ARHGAP23: variants seen among roughly 807,000 people sequenced by gnomAD.
ARHGAP23 encodes Rho GTPase activating protein 23.
A neutral mutation model predicts 136.3 loss-of-function variants in ARHGAP23; 34 were observed. The ratio of observed to expected loss-of-function variants is 0.25; its 90% CI spans 0.19 to 0.33. ARHGAP23 has a LOEUF of 0.33. Among genes scored for constraint, ARHGAP23 ranks in the 10% least tolerant of loss-of-function variants. ARHGAP23 has a pLI of 1.00. For synonymous variants in ARHGAP23, 832 were observed against 920.5 expected, an observed-to-expected ratio of 0.90 and a Z score of 1.74; for missense variants, 1,808 against 2,139.0, an observed-to-expected ratio of 0.85 and a Z score of 3.05.
intron 6 of ARHGAP23, among the ~76,000 whole-genome samples, chr17:38,465,005 G>A (rs2144637798): frequency 6.6e-6 from 1 of 152,224 alleles, no homozygotes; most frequent in Non-Finnish European, 1.5e-5. Flanking sequence ...GTCGGGTGGG[G>A]GTGAGGGGGA....
intron 11 of ARHGAP23, among the ~76,000 whole-genome samples, chr17:38,473,103 A>ATTTTTTT (rs59594005): frequency 3.8e-5 from 5 of 129,962 alleles, no homozygotes; most frequent in Non-Finnish European, 6.5e-5. Flanking sequence ...AACCCGGCTA[A>ATTTTTTT]TTTTTTTTTT....
intron 1 of ARHGAP23, among the ~76,000 whole-genome samples, chr17:38,437,241 T>C (rs1254356704): frequency 1.3e-5 from 2 of 151,170 alleles, no homozygotes; most frequent in Non-Finnish European, 2.9e-5. Context: ...GGTTTTGCTC[T>C]GTCACCCAGG....
intron 1 of ARHGAP23, among the ~76,000 whole-genome samples, chr17:38,434,009 CGGCATGTTGGCT>C (rs2038739394): frequency 6.6e-6 from 1 of 151,998 alleles, no homozygotes; most frequent in African/African-American, 2.4e-5. Flanking sequence ...GACAAGGTTT[CGGCATGTTGGCT>C]GGCATGTTGG....
intron 2 of ARHGAP23, 81 bp downstream of exon 2, chr17:38,458,344 G>A (rs2039380530): frequency 7.0e-7 from 1 of 1,431,204 alleles, no homozygotes; most frequent in Non-Finnish European, 9.2e-7. Flanking sequence ...CCCCTTCATG[G>A]TCCTTTCACC....
chr17:38,434,554 T>C (rs919443268), intron 1 of ARHGAP23, among the ~76,000 whole-genome samples: 2 of 152,204 alleles, frequency 1.3e-5, no homozygotes, highest in Admixed American at 1.3e-4. Flanking sequence ...GGCCTTGGCC[T>C]CTTGGGGTGT....
intron 12 of ARHGAP23, among the ~76,000 whole-genome samples, chr17:38,478,645 G>C (rs1361864625): frequency 6.6e-6 from 1 of 152,030 alleles, no homozygotes; most frequent in African/African-American, 2.4e-5. Context: ...TCCTGACCTC[G>C]TGATCCTCCC....
chr17:38,467,259 G>C lies in ARHGAP23; in HGVS notation c.1576G>C (p.Gly526Arg), dbSNP rs1344840490. 1 of 1,548,898 alleles carries C rather than the reference G, an allele frequency of 6.5e-7. No individual in the cohort carries two copies. The highest frequency in any genetic ancestry group is 1.2e-5 in the South Asian group (1 of 83,828). The change falls in exon 7 of 24, where the codon GGG becomes CGG. Residue 526 changes from glycine (G) to arginine (R), a missense_variant. This residue lies in a region of ARHGAP23 where 859 missense variants were observed against 936.4 expected (regional missense o/e 0.92). Coordinates refer to ENST00000622683, the MANE Select transcript of ARHGAP23 (RefSeq NM_001199417.2). Reference sequence around the variant, plus strand: ...CCCAGAGCCAGAGGCCAGTGGGCGAGGGGAACGCCTGGGCAGGAAGGTGGC... The same window carrying C: ...CCCAGAGCCAGAGGCCAGTGGGCGACGGGAACGCCTGGGCAGGAAGGTGGC... ...ESPEPEASGR[G>R]ERLGRKVAPL...
intron 1 of ARHGAP23, chr17:38,457,698 A>C: frequency 3.7e-6 from 1 of 272,548 alleles, no homozygotes; most frequent in Non-Finnish European, 7.0e-6. Flanking sequence ...ATATGTGTGC[A>C]TGTGTGTGTG....
chr17:38,489,907 G>C, intron 17 of ARHGAP23, 195 bp from the exon 18 acceptor site: 1 of 608,414 alleles, frequency 1.6e-6, no homozygotes. Flanking sequence ...GCACACCCGA[G>C]TGTAGCTGTG....
At chr17:38,475,953 T>C (rs2144691171) in intron 11 of ARHGAP23, among the ~76,000 whole-genome samples, 1 of 151,634 alleles carries the variant, frequency 6.6e-6, no homozygotes, top group Non-Finnish European at 1.5e-5. Context: ...CATATAGAAG[T>C]GAGGGAGGGG....
chr17:38,478,972 C>A (rs1281712836), intron 12 of ARHGAP23, among the ~76,000 whole-genome samples: 1 of 152,164 alleles, frequency 6.6e-6, no homozygotes, highest in African/African-American at 2.4e-5. Flanking sequence ...AGGCTCTGCT[C>A]TCCCGGGAAC....
intron 11 of ARHGAP23, among the ~76,000 whole-genome samples, chr17:38,472,556 G>C (rs1485220078): frequency 6.6e-6 from 1 of 151,686 alleles, no homozygotes; most frequent in Non-Finnish European, 1.5e-5. Flanking sequence ...CAGATGAGAG[G>C]CGAAGGGGGC....
intron 3 of ARHGAP23, among the ~76,000 whole-genome samples, 197 bp from the exon 4 acceptor site, chr17:38,462,649 C>T (rs1214772781): frequency 1.3e-5 from 2 of 152,222 alleles, no homozygotes; most frequent in African/African-American, 4.8e-5. Context: ...GGTTTTCTTT[C>T]TCCCAGGTCT....
chr17:38,488,891 C>A (rs1278639262), intron 17 of ARHGAP23, among the ~76,000 whole-genome samples: 3 of 151,470 alleles, frequency 2.0e-5, no homozygotes, highest in African/African-American at 4.9e-5. Flanking sequence ...TATTTATTTT[C>A]TTGAGACTGA....
chr17:38,507,390 C>T (rs1053143833), intron 23 of ARHGAP23, among the ~76,000 whole-genome samples: 2 of 152,082 alleles, frequency 1.3e-5, no homozygotes, highest in African/African-American at 4.8e-5. Context: ...CAGAGACCTC[C>T]ATCATAAGAT....
intron 1 of ARHGAP23, among the ~76,000 whole-genome samples, chr17:38,437,588 G>A (rs930580098): frequency 3.3e-5 from 5 of 151,550 alleles, no homozygotes; most frequent in Admixed American, 6.6e-5. Context: ...CTGCACTCCA[G>A]CCTGGACAAC....
chr17:38,453,503 A>G (rs1597775004), intron 1 of ARHGAP23, among the ~76,000 whole-genome samples: 2 of 139,562 alleles, frequency 1.4e-5, no homozygotes, highest in Admixed American at 7.0e-5. Context: ...GGGCCGGGGG[A>G]GAGTGCGTGT....
At chr17:38,447,437 GAAAAAAAAAAAAAAA>G (rs71138625) in intron 1 of ARHGAP23, among the ~76,000 whole-genome samples, 2 of 25,636 alleles carry the variant, frequency 7.8e-5, no homozygotes, top group Non-Finnish European at 1.4e-4. Context: ...GACTCCGTCT[GAAAAAAAAAAAAAAA>G]AAAAAAAAAA....
chr17:38,441,217 A>C (rs2038913087), intron 1 of ARHGAP23, among the ~76,000 whole-genome samples: 1 of 152,162 alleles, frequency 6.6e-6, no homozygotes, highest in South Asian at 2.1e-4. Context: ...GTGCTTCCCC[A>C]GCCCATGCCC....
Sources: allele counts gnomAD v4.1 joint callset (sites outside exome capture counted in the v4.1 genomes callset), GRCh38; gene constraint gnomAD v4.1.1; regional missense constraint gnomAD v4.1.1; transcripts MANE v1.5; gene names NCBI Gene and HGNC (gene_info 2026-07-23, HGNC 2026-07-21).